SHANK2: variants seen among roughly 807,000 people sequenced by gnomAD.
The protein encoded by SHANK2 is SH3 and multiple ankyrin repeat domains 2, also known as SH3 and multiple ankyrin repeat domains protein 2.
Under a neutral mutation model 133.7 loss-of-function variants are expected in SHANK2, and 43 were observed. The observed-to-expected ratio is 0.32, with a 90% CI of 0.25 to 0.41. The LOEUF (loss-of-function observed/expected upper bound fraction) is 0.41. SHANK2 is among the 10% of genes least tolerant of loss of function. SHANK2 has a pLI of 1.00. For missense variants in SHANK2, 1,994 were observed against 2,235.8 expected (o/e 0.89, Z 2.18); for synonymous variants, 1,017 against 952.8 (o/e 1.07, Z -1.24).
chr11:70,611,621 A>G (rs1554994236), intron 17 of SHANK2, among the ~76,000 whole-genome samples: 1 of 152,166 alleles, frequency 6.6e-6, no homozygotes, highest in African/African-American at 2.4e-5. Context: ...TCCATTCTTT[A>G]TTTTGGGTCT....
chr11:71,195,794 A>T (rs1953892328), intron 2 of SHANK2, among the ~76,000 whole-genome samples: 1 of 152,218 alleles, frequency 6.6e-6, no homozygotes, highest in South Asian at 2.1e-4. Context: ...CACATAACAA[A>T]AATACTCTTT....
intron 17 of SHANK2, among the ~76,000 whole-genome samples, chr11:70,559,957 C>T (rs7130502): frequency 0.79 from 119,781 of 152,038 alleles, 47,669 homozygotes; most frequent in Middle Eastern, 0.88. Context: ...CTGCAGCTTC[C>T]GCCTCCCGGG....
At chr11:70,615,451 G>A (rs565675919) in intron 17 of SHANK2, among the ~76,000 whole-genome samples, 1 of 152,264 alleles carries the variant, frequency 6.6e-6, no homozygotes, top group Middle Eastern at 3.4e-3. Context: ...CCGGAAACAT[G>A]ATGTCCATCA....
chr11:70,719,548 C>T (rs139494857), intron 14 of SHANK2, among the ~76,000 whole-genome samples: 24 of 152,214 alleles, frequency 1.6e-4, no homozygotes, highest in Admixed American at 4.6e-4. Flanking sequence ...CCCTGACCTA[C>T]GTGGGATCCT....
rs538595316 is a variant in SHANK2 at position 70,928,880 on chromosome 11, C to T, written c.1108-32313G>A. 6.6e-5 allele frequency among the ~76,000 whole-genome samples: 10 copies of T among 152,174 alleles called. 1 individual carries two copies. The highest frequency in any genetic ancestry group is 2.2e-4 in the African/African-American group (9 of 41,524). On this transcript the variant is annotated intron_variant, in intron 10 of 25. Transcript: ENST00000601538. ...GCAGGAAGATGCACACACTGAAGAA[C>T]GGTAGGGGGTGACCTGAAAGTGACT...
chr11:70,698,791 T>C (rs1207565154), intron 14 of SHANK2, 28 bp from the exon 15 acceptor site: 2 of 718,470 alleles, frequency 2.8e-6, no homozygotes, highest in East Asian at 2.7e-5. Flanking sequence ...AGAAACACCA[T>C]TCAGAAAAGT....
rs1555150930 is a variant in SHANK2, at chr11:70,479,480, ACTCC to A, written c.4979+5830_4979+5833del. Among the ~76,000 whole-genome samples the A allele has an allele frequency of 1.3e-5, 2 of 152,064 alleles. No homozygotes were observed. The highest frequency in any genetic ancestry group is 2.9e-5 in the Non-Finnish European group (2 of 67,986). The stretch of plus-strand genomic sequence containing the variant: ...TGAGCTCACATCCCAGGTAGCCTGA[ACTCC>A]CTCAGGGGCCTCTGGGACCTGGAGT... On this transcript the variant is annotated intron_variant, in intron 25 of 25. Transcript: ENST00000601538. The surrounding 1 kb of genome is among the most constrained non-coding windows in gnomAD (Gnocchi z 4.4).
chr11:70,766,907 AC>A (rs1947134865), intron 14 of SHANK2, among the ~76,000 whole-genome samples: 1 of 152,232 alleles, frequency 6.6e-6, no homozygotes, highest in Admixed American at 6.5e-5. Flanking sequence ...ATTTTTAACC[AC>A]ACGGAATTCT....
At chr11:71,169,686 G>T (rs1200049932) in intron 2 of SHANK2, among the ~76,000 whole-genome samples, 3 of 151,066 alleles carry the variant, frequency 2.0e-5, no homozygotes, top group African/African-American at 7.3e-5. Context: ...AGGGTGCAGA[G>T]GTTGCAGTGA....
At chr11:70,840,238 G>T (rs143121033) in intron 11 of SHANK2, among the ~76,000 whole-genome samples, 4 of 152,328 alleles carry the variant, frequency 2.6e-5, no homozygotes, top group Non-Finnish European at 4.4e-5. Context: ...CCTGGACAGG[G>T]AGGTAGTTGG....
At chr11:70,932,268 G>T (rs1163020131) in intron 10 of SHANK2, among the ~76,000 whole-genome samples, 2 of 152,190 alleles carry the variant, frequency 1.3e-5, no homozygotes, top group Non-Finnish European at 1.5e-5. Context: ...AACAGCCACG[G>T]GAAATATTAA....
rs148781082 is a variant in SHANK2, at chr11:70,940,134, C to A, written c.1108-43567G>T. ...CACCTTGATTTCAGACTTCTGAACC[C>A]CTCAACTGGAAGAGAATCAATTTCC... On this transcript the variant is annotated intron_variant, in intron 10 of 25. Coordinates refer to ENST00000601538, the MANE Select transcript of SHANK2 (RefSeq NM_012309.5). 3.6e-3 allele frequency among the ~76,000 whole-genome samples: 402 copies of A among 110,922 alleles called. 3 individuals are homozygous for A. Among genetic ancestry groups the A allele is most frequent in the African/African-American group, 0.012 (384 of 32,942 alleles). The allele number at this position is 110,922 out of a possible 152,430, so 72.8% of individuals were successfully genotyped here.
In SHANK2 at chr11:70,479,098, C is replaced by G. The variant is rs530041761; in HGVS notation, c.4980-5659G>C. Among the ~76,000 whole-genome samples the G allele has an allele frequency of 2.0e-5, 3 of 152,222 alleles. No homozygotes were observed. Among genetic ancestry groups the G allele is most frequent in the Non-Finnish European group, 4.4e-5 (3 of 68,046 alleles). On this transcript the variant is annotated intron_variant, in intron 25 of 25. Transcript: ENST00000601538. The surrounding 1 kb of genome is among the most constrained non-coding windows in gnomAD (Gnocchi z 4.4). Reference sequence around the variant, plus strand: ...CTCCCATTCATCCTTGCCCAACGCCCGCAAGTACCAGCCCCGATGGACGCA... The same window carrying G: ...CTCCCATTCATCCTTGCCCAACGCCGGCAAGTACCAGCCCCGATGGACGCA...
intron 2 of SHANK2, among the ~76,000 whole-genome samples, chr11:71,186,307 C>T (rs1302671102): frequency 2.0e-5 from 3 of 152,178 alleles, no homozygotes; most frequent in East Asian, 1.9e-4. Context: ...GCCAGTCATT[C>T]GGTGGAGTGG....
intron 14 of SHANK2, among the ~76,000 whole-genome samples, chr11:70,764,342 T>C (rs1947068863): frequency 6.8e-6 from 1 of 146,302 alleles, no homozygotes; most frequent in African/African-American, 2.6e-5. Flanking sequence ...CATCTATACA[T>C]TCACCCACTC....
rs1376122351 is a variant in SHANK2, at chr11:70,639,025, A to C, written c.2061+20803T>G. Among the ~76,000 whole-genome samples, 5 of 148,754 alleles carry C rather than the reference A, an allele frequency of 3.4e-5. No homozygotes were observed. In the East Asian group the frequency reaches 9.8e-4, roughly 29 times the overall value. On this transcript the variant is annotated intron_variant, in intron 17 of 25. Transcript: ENST00000601538. ...AAAAACAAAAAAACAAAAAAAAAAC[A>C]AAAAAAACATTGAGAGTCCATGGCT... is the stretch of plus-strand genomic sequence containing the variant.
At position 70,485,804 on chromosome 11, in the gene SHANK2, G is replaced by A; in HGVS notation, c.4489C>T (p.Arg1497Trp). The change falls in exon 25 of 26, where the codon CGG becomes TGG. Residue 1497 changes from arginine (R) to tryptophan (W), a missense_variant. Around this residue, in one of 5 missense-constraint regions of SHANK2, gnomAD observed 797 missense variants for 907.4 expected, o/e 0.88. Coordinates refer to ENST00000601538, the MANE Select transcript of SHANK2 (RefSeq NM_012309.5). The surrounding 1 kb of genome is among the most constrained non-coding windows in gnomAD (Gnocchi z 5.8). ...ADSGIEEVDS[R>W]SSSDHHLETT... ...TCGAGGTGGTGGTCGCTGCTACTCC[G>A]GCTGTCCACCTCCTCGATCCCAGAG... The A allele has an allele frequency of 1.2e-6, 2 of 1,613,880 alleles. No homozygotes were observed. The highest frequency in any genetic ancestry group is 1.1e-5 in the South Asian group (1 of 91,078).
intron 3 of SHANK2, 72 bp downstream of exon 3, chr11:71,147,048 G>A (rs1952664878): frequency 7.5e-7 from 1 of 1,327,840 alleles, no homozygotes; most frequent in East Asian, 2.5e-5. Flanking sequence ...GAGGACCAGA[G>A]CAGGCCTCTG....
rs201438952 is a variant in SHANK2 at position 70,601,055 on chromosome 11, A to G, written c.2061+58773T>C. On this transcript the variant is annotated intron_variant, in intron 17 of 25. Coordinates refer to ENST00000601538, the MANE Select transcript of SHANK2 (RefSeq NM_012309.5). ...TATCTATATCTATATCTATATCTAT[A>G]TCTATATCTATATTTGAGATGGAGT... 9.5e-4 allele frequency among the ~76,000 whole-genome samples: 139 copies of G among 146,984 alleles called. No individual in the cohort carries two copies. The East Asian group carries it at 0.025, about 27-fold the overall frequency.
Sources: allele counts gnomAD v4.1 joint callset (sites outside exome capture counted in the v4.1 genomes callset), GRCh38; gene constraint gnomAD v4.1.1; regional missense constraint gnomAD v4.1.1; non-coding constraint Gnocchi (gnomAD v3.1); transcripts MANE v1.5; gene names NCBI Gene and HGNC (gene_info 2026-07-23, HGNC 2026-07-21).